The following ME2 variants were observed in gnomAD, a reference collection of about 807,000 sequenced individuals.
ME2 encodes NAD-dependent malic enzyme, mitochondrial.
A neutral mutation model predicts 73.7 loss-of-function variants in ME2; 60 were observed. The observed-to-expected ratio is 0.81, with a 90% CI of 0.66 to 1.01. The LOEUF (loss-of-function observed/expected upper bound fraction) is 1.01, where lower values mean the gene tolerates loss of function less well. Ranked by LOEUF, ME2 falls within the 50% of genes least tolerant of loss-of-function variation. The probability of loss-of-function intolerance (pLI) is 0.00; values close to 1 mark genes in which losing one functional copy is unlikely to be tolerated. For synonymous variants in ME2, 199 were observed against 236.9 expected, an observed-to-expected ratio of 0.84 and a Z score of 1.47; for missense variants, 594 against 705.5, an observed-to-expected ratio of 0.84 and a Z score of 1.79.
At chr18:50,902,898 T>C (rs1916925790) in intron 2 of ME2, among the ~76,000 whole-genome samples, 1 of 152,210 alleles carries the variant, frequency 6.6e-6, no homozygotes, top group South Asian at 2.1e-4. Flanking sequence ...CAGTGGCTGA[T>C]GAGACTCCCA....
At chr18:50,939,817 CTT>C (rs1044894143) in intron 14 of ME2, 177 bp downstream of exon 14, 1 of 544,436 alleles carries the variant, frequency 1.8e-6, no homozygotes, top group Non-Finnish European at 3.3e-6. Context: ...TTAATCATGA[CTT>C]AAATTTTTGT....
chr18:50,911,833 G>T (rs565755300), intron 3 of ME2, among the ~76,000 whole-genome samples: 1 of 152,148 alleles, frequency 6.6e-6, no homozygotes. Flanking sequence ...ATTTGGAAGC[G>T]ACTTAAGGAG....
chr18:50,934,940 G>A (rs1019146263), intron 13 of ME2: 1 of 152,144 alleles, frequency 6.6e-6, no homozygotes, highest in Non-Finnish European at 1.5e-5. Flanking sequence ...TATAGACCAG[G>A]AAGAAAGTGG....
chr18:50,888,097 T>G (rs1275719591), intron 1 of ME2, among the ~76,000 whole-genome samples: 1 of 152,098 alleles, frequency 6.6e-6, no homozygotes, highest in African/African-American at 2.4e-5. Context: ...ATCATAACAC[T>G]TTGGGAGGTT....
At chr18:50,913,848 T>C (rs948544408) in intron 4 of ME2, among the ~76,000 whole-genome samples, 1 of 85,358 alleles carries the variant, frequency 1.2e-5, no homozygotes, top group Non-Finnish European at 2.8e-5. Flanking sequence ...TGGAAAATTA[T>C]CAGCAATATT....
chr18:50,906,459 C>G (rs1000427586), intron 2 of ME2, among the ~76,000 whole-genome samples: 4 of 152,100 alleles, frequency 2.6e-5, no homozygotes, highest in African/African-American at 9.7e-5. Context: ...ACCACAGGCA[C>G]ATGCCACCAC....
At chr18:50,884,224 A>G (rs1916400771) in intron 1 of ME2, among the ~76,000 whole-genome samples, 1 of 152,072 alleles carries the variant, frequency 6.6e-6, no homozygotes. Context: ...AGTTTGAATA[A>G]TATATGTTTT....
At chr18:50,890,973 G>C (rs1442498258) in intron 1 of ME2, among the ~76,000 whole-genome samples, 1 of 152,180 alleles carries the variant, frequency 6.6e-6, no homozygotes, top group Non-Finnish European at 1.5e-5. Context: ...AGGTACTGAA[G>C]ATAAACGTAT....
intron 1 of ME2, among the ~76,000 whole-genome samples, chr18:50,890,558 TGTTTTATCCATTTA>T (rs1279635836): frequency 6.6e-6 from 1 of 152,216 alleles, no homozygotes; most frequent in Non-Finnish European, 1.5e-5. Flanking sequence ...TTCCCCAACT[TGTTTTATCCATTTA>T]GTTTTATCTA....
chr18:50,892,628 T>A (rs1916633476), intron 1 of ME2, among the ~76,000 whole-genome samples: 1 of 152,232 alleles, frequency 6.6e-6, no homozygotes, highest in African/African-American at 2.4e-5. Context: ...CTTAACTTAT[T>A]ATTGCTGATA....
chr18:50,897,108 T>C (rs1244885876), intron 2 of ME2, among the ~76,000 whole-genome samples: 1 of 152,194 alleles, frequency 6.6e-6, no homozygotes, highest in African/African-American at 2.4e-5. Context: ...AAGTAATCAA[T>C]AGGTGTTGCT....
intron 1 of ME2, among the ~76,000 whole-genome samples, chr18:50,886,830 G>A (rs905334284): frequency 2.6e-5 from 4 of 151,882 alleles, no homozygotes; most frequent in East Asian, 1.9e-4. Flanking sequence ...GAGAGACCCC[G>A]TCTCTACCAA....
rs1040952855 is a variant in ME2, at chr18:50,953,801, T to A, written c.*6617T>A. On this transcript the variant is annotated 3_prime_UTR_variant, in exon 16 of 16. Coordinates refer to ENST00000321341, the MANE Select transcript of ME2 (RefSeq NM_002396.5). ...TAGTAATATAAAAATGTGTATGAAA[T>A]AAGAACTTTCTTAAAAGACCTAGTT... 10 of 152,240 alleles carry A rather than the reference T, an allele frequency of 6.6e-5. No individual in the cohort carries two copies. The highest frequency in any genetic ancestry group is 2.4e-4 in the African/African-American group (10 of 41,464). The allele number at this position is 152,240 out of a possible 1,614,324, so 9.4% of individuals were successfully genotyped here.
At chr18:50,916,473 C>A in intron 5 of ME2, 1 of 377,180 alleles carries the variant, frequency 2.7e-6, no homozygotes, top group Non-Finnish European at 4.7e-6. Context: ...CAAGGTGAGC[C>A]CTCTCGGTAT....
At position 50,949,101 on chromosome 18, in the gene ME2, A is replaced by C. The variant is rs1280486952; in HGVS notation, c.*1917A>C. On this transcript the variant is annotated 3_prime_UTR_variant, in exon 16 of 16. Coordinates refer to ENST00000321341, the MANE Select transcript of ME2 (RefSeq NM_002396.5). Reference sequence around the variant, plus strand: ...GTGATCCACCCACTTTGGCCTCCCAAAGTGCTGGGATTACAGGCGTGAGCC... The same window carrying C: ...GTGATCCACCCACTTTGGCCTCCCACAGTGCTGGGATTACAGGCGTGAGCC... 1 of 152,154 alleles carries C rather than the reference A, an allele frequency of 6.6e-6. No homozygotes were observed. Among genetic ancestry groups the C allele is most frequent in the East Asian group, 1.9e-4 (1 of 5,190 alleles). The allele number at this position is 152,154 out of a possible 1,614,324, so 9.4% of individuals were successfully genotyped here. A position where few individuals can be genotyped will look rare whatever the true frequency, so the allele number is the denominator to read the frequency against.
intron 4 of ME2, 136 bp downstream of exon 4, chr18:50,913,086 T>A (rs1568166280): frequency 3.1e-6 from 2 of 646,188 alleles, no homozygotes; most frequent in Admixed American, 3.7e-5. Context: ...TAATTTTGAT[T>A]AAAAGAGATT....
rs557488331 is a variant in ME2 at position 50,936,019 on chromosome 18, A to G, written c.1418-3551A>G. Among the ~76,000 whole-genome samples the G allele has an allele frequency of 1.4e-4, 21 of 152,282 alleles. No homozygotes were observed. The East Asian group carries it at 2.7e-3, about 20-fold the overall frequency. On this transcript the variant is annotated intron_variant, in intron 13 of 15. Transcript: ENST00000321341. ...ACTGGTGATTGACAATCAATATTCA[A>G]AAAGCTCACAGAAACCCATGTGGGA...
At chr18:50,879,873 C>T (rs1009473927) in intron 1 of ME2, among the ~76,000 whole-genome samples, 14 of 152,196 alleles carry the variant, frequency 9.2e-5, no homozygotes, top group African/African-American at 2.7e-4. Context: ...GTGTTTCTTT[C>T]ACGCTGGCGA....
intron 1 of ME2, among the ~76,000 whole-genome samples, chr18:50,881,423 A>G (rs78875779): frequency 0.02 from 2,978 of 152,336 alleles, 91 homozygotes; most frequent in African/African-American, 0.068. Flanking sequence ...CACTAAATAA[A>G]AATTACATTG....
Sources: allele counts gnomAD v4.1 joint callset (sites outside exome capture counted in the v4.1 genomes callset), GRCh38; gene constraint gnomAD v4.1.1; transcripts MANE v1.5; gene names NCBI Gene and HGNC (gene_info 2026-07-23, HGNC 2026-07-21).